SIGLEC10: variants seen among roughly 807,000 people sequenced by gnomAD.
The protein encoded by SIGLEC10 is sialic acid-binding Ig-like lectin 10.
A neutral mutation model predicts 68.3 loss-of-function variants in SIGLEC10; 45 were observed. That is an observed-to-expected ratio of 0.66 (90% CI 0.52 to 0.84). SIGLEC10 has a LOEUF of 0.84. Among genes scored for constraint, SIGLEC10 ranks in the 40% least tolerant of loss-of-function variants. The pLI is 0.00. For synonymous variants in SIGLEC10, 379 were observed against 370.8 expected (o/e 1.02, Z -0.26); for missense variants, 789 against 883.1 (o/e 0.89, Z 1.35).
Position 51,416,180 on chromosome 19 carries a change from G to GAA in SIGLEC10, c.755-15_755-14dup, listed in dbSNP as rs375392809. The GAA allele has an allele frequency of 2.2e-5, 29 of 1,346,450 alleles. No homozygotes were observed. The highest frequency in any genetic ancestry group is 8.4e-5 in the Admixed American group (4 of 47,382). The allele number at this position is 1,346,450 out of a possible 1,614,324, so 83.4% of individuals were successfully genotyped here. On this transcript the variant is annotated splice_polypyrimidine_tract_variant and intron_variant, in intron 4 of 10. Coordinates refer to ENST00000339313, the MANE Select transcript of SIGLEC10 (RefSeq NM_033130.5). ...TGGGGCTCCAGGGCTGGAGTGGGAG[G>GAA]AAAAAAAAAAAAGAGAGAAAGGGAG...
intron 10 of SIGLEC10, among the ~76,000 whole-genome samples, chr19:51,411,968 C>T (rs188824124): frequency 6.6e-6 from 1 of 151,882 alleles, no homozygotes; most frequent in South Asian, 2.1e-4. Context: ...CATGGTGAAA[C>T]CCCGTCTCTA....
rs776464169 is a variant in SIGLEC10 at position 51,417,091 on chromosome 19, T to C, written c.412A>G (p.Lys138Glu). The change falls in exon 2 of 11, where the codon AAA becomes GAA. Residue 138 changes from lysine (K) to glutamate (E), a missense_variant. Coordinates refer to ENST00000339313, the MANE Select transcript of SIGLEC10 (RefSeq NM_033130.5). Reference protein sequence around the residue: ...YNFMNDGFFLKVTALTQKPDV... With the variant: ...YNFMNDGFFLEVTALTQKPDV... ...CCACCCCATTCCATACCTGTTACTT[T>C]TAGAAAGAACCCATCGTTCATGAAA... 5.6e-6 allele frequency: 9 copies of C among 1,613,856 alleles called. No homozygotes were observed. The African/African-American group carries it at 1.2e-4, about 22-fold the overall frequency.
At chr19:51,416,597 C>G in intron 3 of SIGLEC10, 69 bp downstream of exon 3, 1 of 1,599,606 alleles carries the variant, frequency 6.3e-7, no homozygotes, top group Non-Finnish European at 8.5e-7. Context: ...CTCACTGTCC[C>G]ACTGGGCTCC....
rs535039687 is a variant in SIGLEC10, at chr19:51,414,382, G to A, written c.1709+40C>T. 21 of 1,566,114 alleles carry A rather than the reference G, an allele frequency of 1.3e-5. No homozygotes were observed. The East Asian group carries it at 4.7e-4, about 35-fold the overall frequency. On this transcript the variant is annotated intron_variant, in intron 9 of 10. Transcript: ENST00000339313. The surrounding 1 kb of genome is among the most constrained non-coding windows in gnomAD (Gnocchi z 4.1). ...CCTGCAACACCTCCCCTCTTCCTGGGTCCAGGCCCCAGACCCCGCCACGCC... is the reference window on the plus strand; with the variant it reads ...CCTGCAACACCTCCCCTCTTCCTGGATCCAGGCCCCAGACCCCGCCACGCC...
In SIGLEC10 at chr19:51,411,228, G is replaced by C. The variant is rs149635004; in HGVS notation, c.1965C>G (p.Ala655=). 1.6e-5 allele frequency: 26 copies of C among 1,614,016 alleles called. No individual in the cohort carries two copies. The African/African-American group carries it at 3.5e-4, about 22-fold the overall frequency. ...CCTCTTGGCTCTCCTGGGATTCTGG[G>C]GCTTGAGTGGATGATTTGGGTTCTG... The part of the protein sequence containing the change: ...SFPEPKSSTQ[A]PESQESQEEL... The change falls in exon 11 of 11, where the codon GCC becomes GCG. Residue 655 remains alanine, a synonymous_variant. Transcript: ENST00000339313.
chr19:51,416,288 C>T, intron 4 of SIGLEC10, 22 bp downstream of exon 4: 2 of 1,614,058 alleles, frequency 1.2e-6, no homozygotes, highest in Non-Finnish European at 1.7e-6. Flanking sequence ...TGGCCCAGCC[C>T]CAGCCCGACG....
chr19:51,416,237 A>C, intron 4 of SIGLEC10, 70 bp from the exon 5 acceptor site: 1 of 1,612,302 alleles, frequency 6.2e-7, no homozygotes, highest in East Asian at 2.2e-5. Context: ...AGGGAGGAGC[A>C]CATCCCCTCA....
In SIGLEC10 at chr19:51,416,721, C is replaced by T. The variant is rs1988715490; in HGVS notation, c.651G>A (p.Val217=). The change falls in exon 3 of 11, where the codon GTG becomes GTA. Residue 217 remains valine, a synonymous_variant. Transcript: ENST00000339313. ...QDHNTDLTCH[V]DFSRKGVSAQ... ...CGCTCACACCCTTTCTGGAGAAGTCCACATGGCAGGTGAGGTCGGTGTTGT... is the reference window on the plus strand; with the variant it reads ...CGCTCACACCCTTTCTGGAGAAGTCTACATGGCAGGTGAGGTCGGTGTTGT... 3.1e-6 allele frequency: 5 copies of T among 1,614,102 alleles called. No homozygotes were observed. The highest frequency in any genetic ancestry group is 1.3e-5 in the African/African-American group (1 of 74,936).
At position 51,415,002 on chromosome 19, in the gene SIGLEC10, C is replaced by T. The variant is rs201482603; in HGVS notation, c.1437G>A (p.Gly479=). ...SPAPSLRWWL[G]EELLEGNSSQ... is the part of the protein sequence containing the mutation. ...TGCTGTTCCCCTCCAGCAGCTCCTC[C>T]CCAAGCCACCAGCGCAGAGAGGGGG... Residue 479 remains glycine, a synonymous_variant, in exon 8 of 11, where the codon GGG becomes GGA. Coordinates refer to ENST00000339313, the MANE Select transcript of SIGLEC10 (RefSeq NM_033130.5). 234 of 1,612,320 alleles carry T rather than the reference C, an allele frequency of 1.5e-4. No homozygotes were observed. Among genetic ancestry groups the T allele is most frequent in the Non-Finnish European group, 1.8e-4 (216 of 1,179,746 alleles).
rs367925682 is a variant in SIGLEC10, at chr19:51,410,974, A to AAGAG, written c.*121_*124dup. ...CAGATGTTTTTTTAAAAGAGAGAGA[A>AAGAG]AGAGAGAGAGAGAGAGAAAGAGAGA... On this transcript the variant is annotated 3_prime_UTR_variant, in exon 11 of 11. Coordinates refer to ENST00000339313, the MANE Select transcript of SIGLEC10 (RefSeq NM_033130.5). 14 of 1,030,122 alleles carry AAGAG rather than the reference A, an allele frequency of 1.4e-5. No individual in the cohort carries two copies. Among genetic ancestry groups the AAGAG allele is most frequent in the Non-Finnish European group, 1.7e-5 (12 of 719,898 alleles). The allele number at this position is 1,030,122 out of a possible 1,614,324, so 63.8% of individuals were successfully genotyped here. A position where few individuals can be genotyped will look rare whatever the true frequency, so the allele number is the denominator to read the frequency against.
chr19:51,410,151 T>A lies in SIGLEC10; in HGVS notation c.*948A>T, dbSNP rs887223060. The A allele has an allele frequency of 1.3e-5, 2 of 152,178 alleles. No homozygotes were observed. The highest frequency in any genetic ancestry group is 4.8e-5 in the African/African-American group (2 of 41,430). The allele number at this position is 152,178 out of a possible 1,614,324, so 9.4% of individuals were successfully genotyped here. A position where few individuals can be genotyped will look rare whatever the true frequency, so the allele number is the denominator to read the frequency against. The stretch of plus-strand genomic sequence containing the variant: ...TCTTGCTTATTTGCTAAACAAGGGG[T>A]GGATTATTCATTCCTCCCCCTTTTG... On this transcript the variant is annotated 3_prime_UTR_variant, in exon 11 of 11. Coordinates refer to ENST00000339313, the MANE Select transcript of SIGLEC10 (RefSeq NM_033130.5).
chr19:51,413,664 G>A, intron 10 of SIGLEC10, 48 bp downstream of exon 10: 1 of 1,537,998 alleles, frequency 6.5e-7, no homozygotes, highest in Non-Finnish European at 9.0e-7. Context: ...AAAGTGGGAT[G>A]TCAGCTTTAG....
Position 51,416,301 on chromosome 19 carries a change from C to T in SIGLEC10, c.754+9G>A. On this transcript the variant is annotated intron_variant, in intron 4 of 10. Coordinates refer to ENST00000339313, the MANE Select transcript of SIGLEC10 (RefSeq NM_033130.5). Reference sequence around the variant, plus strand: ...ACTGGCCCAGCCCCAGCCCGACGGCCCTCAGTACCTGGCGTGTTGTCACGT... The same window carrying T: ...ACTGGCCCAGCCCCAGCCCGACGGCTCTCAGTACCTGGCGTGTTGTCACGT... 1.9e-6 allele frequency: 3 copies of T among 1,614,108 alleles called. No individual in the cohort carries two copies.
At chr19:51,413,866 C>T (rs1195372316) in intron 9 of SIGLEC10, 43 bp from the exon 10 acceptor site, 1 of 1,481,896 alleles carries the variant, frequency 6.7e-7, no homozygotes, top group Admixed American at 1.7e-5. Context: ...CTGCACCTCC[C>T]TGTGACAGAC....
In SIGLEC10 at chr19:51,413,956, A is replaced by G. The variant is rs563599280; in HGVS notation, c.1710-133T>C. On this transcript the variant is annotated intron_variant, in intron 9 of 10. Transcript: ENST00000339313. ...GAGACCGTCATTATGAGACTGAAAG[A>G]AGGAGGACAAACGTAGAAATGAAAA... The G allele has an allele frequency of 6.0e-6, 4 of 671,470 alleles. No individual in the cohort carries two copies. The East Asian group carries it at 8.1e-5, about 14-fold the overall frequency. The allele number at this position is 671,470 out of a possible 1,614,324, so 41.6% of individuals were successfully genotyped here.
rs1043891131 is a variant in SIGLEC10 at position 51,415,293 on chromosome 19, G to A, written c.1218C>T (p.Asp406=). Residue 406 remains aspartate, a synonymous_variant, in exon 7 of 11, where the codon GAC becomes GAT. Coordinates refer to ENST00000339313, the MANE Select transcript of SIGLEC10 (RefSeq NM_033130.5). ...GQVLSPSQPS[D]PGVLELPRVQ... Reference sequence around the variant, plus strand: ...CCCGAGGCAGCTCCAGGACCCCGGGGTCTGAGGGCTGGGAGGGGCTCAGAA... The same window carrying A: ...CCCGAGGCAGCTCCAGGACCCCGGGATCTGAGGGCTGGGAGGGGCTCAGAA... 2.5e-6 allele frequency: 4 copies of A among 1,614,034 alleles called. No homozygotes were observed. In the Admixed American group the frequency reaches 5.0e-5, roughly 20 times the overall value.
chr19:51,410,644 C>T lies in SIGLEC10; in HGVS notation c.*455G>A, dbSNP rs908547102. On this transcript the variant is annotated 3_prime_UTR_variant, in exon 11 of 11. Coordinates refer to ENST00000339313, the MANE Select transcript of SIGLEC10 (RefSeq NM_033130.5). The stretch of plus-strand genomic sequence containing the variant: ...AAGTGCTGGGATTACAGACACCCAA[C>T]CCATTTGGAGGATTTTTTTTTTGAG... 1 of 157,924 alleles carries T rather than the reference C, an allele frequency of 6.3e-6. No homozygotes were observed. Among genetic ancestry groups the T allele is most frequent in the Non-Finnish European group, 1.4e-5 (1 of 71,528 alleles). 9.8% of individuals were successfully genotyped at this position (157,924 alleles called of 1,614,324 possible).
intron 10 of SIGLEC10, among the ~76,000 whole-genome samples, chr19:51,411,992 A>G (rs1285989859): frequency 6.6e-6 from 1 of 151,502 alleles, no homozygotes; most frequent in Non-Finnish European, 1.5e-5. Flanking sequence ...AAAATACAAA[A>G]ATTAGGGGGG....
In SIGLEC10 at chr19:51,414,017, CA is replaced by C. The variant is rs551990843; in HGVS notation, c.1710-195del. ...AAGAAATTATTTTAAAGGAAGGGGTCAGGGGAAGAAGAAGAGGGTTCCCTGC... is the reference window on the plus strand; with the variant it reads ...AAGAAATTATTTTAAAGGAAGGGGTCGGGGAAGAAGAAGAGGGTTCCCTGC... On this transcript the variant is annotated intron_variant, in intron 9 of 10. Coordinates refer to ENST00000339313, the MANE Select transcript of SIGLEC10 (RefSeq NM_033130.5). This position sits in a 1 kb window ranked among gnomAD's most constrained non-coding sequence, Gnocchi z 4.1. 1.0e-3 allele frequency among the ~76,000 whole-genome samples: 153 copies of C among 152,242 alleles called. No individual in the cohort carries two copies. The highest frequency in any genetic ancestry group is 3.4e-3 in the African/African-American group (140 of 41,530).
Sources: allele counts gnomAD v4.1 joint callset (sites outside exome capture counted in the v4.1 genomes callset), GRCh38; gene constraint gnomAD v4.1.1; non-coding constraint Gnocchi (gnomAD v3.1); transcripts MANE v1.5; gene names NCBI Gene and HGNC (gene_info 2026-07-23, HGNC 2026-07-21).